Variants in TMEM164 observed in about 807,000 individuals in gnomAD.
The protein encoded by TMEM164 is transmembrane protein 164.
Under a neutral mutation model 18.8 loss-of-function variants are expected in TMEM164, and 4 were observed. That is an observed-to-expected ratio of 0.21 (90% CI 0.10 to 0.49). The LOEUF (loss-of-function observed/expected upper bound fraction) is 0.49, where lower values mean the gene tolerates loss of function less well. Ranked by LOEUF, TMEM164 falls within the 20% of genes least tolerant of loss-of-function variation. The pLI, the probability that TMEM164 is intolerant of heterozygous loss-of-function variation, is 0.98. For synonymous variants in TMEM164, 86 were observed against 101.7 expected (o/e 0.85, Z 0.93); for missense variants, 108 against 239.9 (o/e 0.45, Z 3.63).
At chrX:110,149,483 T>C (rs1473330342) in intron 5 of TMEM164, among the ~76,000 whole-genome samples, 1 of 112,088 alleles carries the variant, frequency 8.9e-6, no homozygotes, top group Non-Finnish European at 1.9e-5. Flanking sequence ...TGGATTGCTC[T>C]GCTTCGGGGC....
chrX:110,148,530 G>C (rs1335458555), intron 5 of TMEM164, among the ~76,000 whole-genome samples: 1 of 108,205 alleles, frequency 9.2e-6, no homozygotes, highest in Non-Finnish European at 1.9e-5. Context: ...TCTTTTTTTA[G>C]ACAGGGTCTC....
chrX:110,171,817 GT>G (rs2067234895), intron 6 of TMEM164, among the ~76,000 whole-genome samples: 1 of 112,055 alleles, frequency 8.9e-6, no homozygotes, highest in South Asian at 3.7e-4. Context: ...GTGGTTTGTT[GT>G]GGACCCCATG....
chrX:110,010,278 C>G (rs915733610), intron 2 of TMEM164, among the ~76,000 whole-genome samples: 3 of 112,589 alleles, frequency 2.7e-5, no homozygotes, highest in African/African-American at 9.7e-5. Context: ...TTTCTCCCCT[C>G]TTCTCTTTTT....
At chrX:110,162,379 G>T (rs973625706) in intron 5 of TMEM164, among the ~76,000 whole-genome samples, 1 of 112,282 alleles carries the variant, frequency 8.9e-6, no homozygotes, top group African/African-American at 3.2e-5. Flanking sequence ...GGATGAAGGT[G>T]GGTCTTTAAA....
At chrX:110,086,493 T>C (rs2065853019) in intron 3 of TMEM164, among the ~76,000 whole-genome samples, 1 of 110,895 alleles carries the variant, frequency 9.0e-6, no homozygotes, top group African/African-American at 3.3e-5. Flanking sequence ...GTTCTGGAGA[T>C]AGCTGGCAGT....
chrX:110,160,641 G>T (rs979470403), intron 5 of TMEM164, among the ~76,000 whole-genome samples: 7 of 112,061 alleles, frequency 6.2e-5, no homozygotes, highest in African/African-American at 2.3e-4. Flanking sequence ...AGTCTGCTGG[G>T]AAATCCCTTT....
chrX:110,111,725 G>A (rs1293763166), intron 4 of TMEM164, among the ~76,000 whole-genome samples: 2 of 111,859 alleles, frequency 1.8e-5, no homozygotes, highest in Non-Finnish European at 3.8e-5. Flanking sequence ...TTCTTGCAAA[G>A]CCATTGAACA....
chrX:110,058,609 CT>C (rs34108969), intron 2 of TMEM164, among the ~76,000 whole-genome samples: 15 of 81,201 alleles, frequency 1.8e-4, no homozygotes, highest in East Asian at 4.3e-4. Context: ...CCCTTTCTTT[CT>C]TTTTTTTTTT....
chrX:110,047,973 A>G (rs1935387622), intron 2 of TMEM164, among the ~76,000 whole-genome samples: 1 of 111,824 alleles, frequency 8.9e-6, no homozygotes, highest in African/African-American at 3.2e-5. Flanking sequence ...GAGCAGCATC[A>G]TAGGGATTTA....
intron 3 of TMEM164, among the ~76,000 whole-genome samples, chrX:110,078,834 A>G (rs1018550223): frequency 3.6e-5 from 4 of 112,080 alleles, no homozygotes; most frequent in Admixed American, 9.5e-5. Flanking sequence ...AATAAAATTA[A>G]ATTAAACTTT....
chrX:110,132,674 A>C (rs1279421662), intron 4 of TMEM164, among the ~76,000 whole-genome samples: 2 of 111,741 alleles, frequency 1.8e-5, no homozygotes, highest in Non-Finnish European at 3.8e-5. Flanking sequence ...ACAGAGTATA[A>C]CTGTAGTTAC....
chrX:110,065,514 C>T (rs1014136986), intron 2 of TMEM164: 1 of 111,078 alleles, frequency 9.0e-6, no homozygotes, highest in Admixed American at 9.6e-5. Flanking sequence ...AACTTGGTCC[C>T]TTACCTAAGG....
chrX:110,157,445 C>T (rs961546086), intron 5 of TMEM164, among the ~76,000 whole-genome samples: 2 of 111,501 alleles, frequency 1.8e-5, no homozygotes, highest in African/African-American at 6.5e-5. Context: ...CCTCCTTTCT[C>T]CCCCTCCCTT....
intron 3 of TMEM164, among the ~76,000 whole-genome samples, chrX:110,101,913 A>G (rs997544628): frequency 6.5e-5 from 7 of 108,503 alleles, no homozygotes; most frequent in African/African-American, 2.3e-4. Flanking sequence ...CATTTCATTG[A>G]TCTCTGCTCT....
chrX:110,178,637 G>A (rs753177593), downstream of TMEM164, among the ~76,000 whole-genome samples: 22 of 112,366 alleles, frequency 2.0e-4, no homozygotes, highest in Admixed American at 1.3e-3. Flanking sequence ...GCAGGGTCTT[G>A]CAATTGTGGA....
intron 2 of TMEM164, among the ~76,000 whole-genome samples, chrX:110,054,167 T>G (rs1935708168): frequency 8.9e-6 from 1 of 111,986 alleles, no homozygotes; most frequent in Non-Finnish European, 1.9e-5. Context: ...GTAGCTCAGT[T>G]TCCTTGTATG....
At chrX:110,019,038 T>C (rs1933646259) in intron 2 of TMEM164, among the ~76,000 whole-genome samples, 1 of 111,218 alleles carries the variant, frequency 9.0e-6, no homozygotes, top group Admixed American at 9.5e-5. Context: ...GAAAGGTAGG[T>C]TTGTATGTAG....
intron 4 of TMEM164, among the ~76,000 whole-genome samples, chrX:110,115,344 A>C (rs1452670419): frequency 1.8e-5 from 2 of 112,223 alleles, no homozygotes; most frequent in Non-Finnish European, 3.8e-5. Context: ...AGGGTTCTTA[A>C]AGCGTACAAA....
At chrX:110,156,658 G>A (rs984396063) in intron 5 of TMEM164, among the ~76,000 whole-genome samples, 1 of 111,485 alleles carries the variant, frequency 9.0e-6, no homozygotes, top group Non-Finnish European at 1.9e-5. Flanking sequence ...TGTATTTCTC[G>A]CAGTTCTGGA....
Sources: gnomAD v4.1 joint callset for allele counts (sites outside exome capture counted in the v4.1 genomes callset) on GRCh38, gnomAD v4.1.1 for gene constraint, MANE v1.5 for transcripts, NCBI Gene and HGNC (gene_info 2026-07-23, HGNC 2026-07-21) for gene names.